Variants in VMP1 observed in about 807,000 individuals in gnomAD.
VMP1 encodes the protein vacuole membrane protein 1.
In VMP1, 11 loss-of-function variants were observed where a neutral mutation model predicts 56.0. The observed-to-expected ratio is 0.20, with a 90% CI of 0.12 to 0.32. The LOEUF is 0.32. VMP1 is among the 10% of genes least tolerant of loss of function. The probability of loss-of-function intolerance (pLI) is 1.00; values close to 1 mark genes in which losing one functional copy is unlikely to be tolerated. For synonymous variants in VMP1, 149 were observed against 165.0 expected, an observed-to-expected ratio of 0.90 and a Z score of 0.74; for missense variants, 296 against 490.3, an observed-to-expected ratio of 0.60 and a Z score of 3.74.
At chr17:59,797,740 G>A (rs1265982061) in intron 7 of VMP1, among the ~76,000 whole-genome samples, 1 of 152,170 alleles carries the variant, frequency 6.6e-6, no homozygotes, top group Non-Finnish European at 1.5e-5. Context: ...TTAGCTGGGT[G>A]TGGTGGCATG....
intron 7 of VMP1, among the ~76,000 whole-genome samples, chr17:59,784,624 C>G (rs1051234720): frequency 1.3e-5 from 2 of 152,180 alleles, no homozygotes; most frequent in African/African-American, 2.4e-5. Context: ...ACACATACTA[C>G]TCATGCAGTG....
At chr17:59,740,865 G>A (rs1459395991) in intron 5 of VMP1, among the ~76,000 whole-genome samples, 1 of 152,150 alleles carries the variant, frequency 6.6e-6, no homozygotes. Flanking sequence ...TAATTAATTT[G>A]GAAGCCTCTG....
chr17:59,772,870 T>TTGTATTTAAA (rs947956428), intron 6 of VMP1, among the ~76,000 whole-genome samples: 21 of 151,786 alleles, frequency 1.4e-4, no homozygotes, highest in African/African-American at 4.8e-4. Flanking sequence ...AGAAGAAAAG[T>TTGTATTTAAA]TGTATTTAAA....
intron 9 of VMP1, among the ~76,000 whole-genome samples, chr17:59,813,268 C>T (rs62081818): frequency 0.13 from 19,474 of 151,982 alleles, 1,495 homozygotes; most frequent in Middle Eastern, 0.22. Context: ...TATTACAGTG[C>T]TAGTTACTAT....
In VMP1 at chr17:59,728,366, A is replaced by G. The variant is rs114941782; in HGVS notation, c.-26-3055A>G. 2.2e-3 allele frequency among the ~76,000 whole-genome samples: 332 copies of G among 152,326 alleles called. 1 individual carries two copies. The highest frequency in any genetic ancestry group is 7.7e-3 in the African/African-American group (322 of 41,582). ...GTTAGTATTTGTTCAGTGAATAGGT[A>G]AACAAACCTTATACAAGCATCTTAT... On this transcript the variant is annotated intron_variant, in intron 1 of 11. Coordinates refer to ENST00000262291, the MANE Select transcript of VMP1 (RefSeq NM_030938.5).
chr17:59,790,930 T>C (rs1156450299), intron 7 of VMP1, among the ~76,000 whole-genome samples: 1 of 152,238 alleles, frequency 6.6e-6, no homozygotes, highest in Non-Finnish European at 1.5e-5. Flanking sequence ...CTAGAGAATG[T>C]AATTATTCAC....
At chr17:59,713,686 T>C (rs1246221114) in intron 1 of VMP1, among the ~76,000 whole-genome samples, 124 of 116,556 alleles carry the variant, frequency 1.1e-3, no homozygotes, top group South Asian at 1.0e-2. Context: ...CATCTCTCTT[T>C]TTTTTTTTTT....
chr17:59,837,285 G>A (rs1176222706), intron 10 of VMP1, among the ~76,000 whole-genome samples: 1 of 152,026 alleles, frequency 6.6e-6, no homozygotes, highest in Non-Finnish European at 1.5e-5. Flanking sequence ...AGTACATATC[G>A]GAATCTCTTT....
At chr17:59,787,077 GTGGTC>G (rs1598393012) in intron 7 of VMP1, among the ~76,000 whole-genome samples, 1 of 152,186 alleles carries the variant, frequency 6.6e-6, no homozygotes, top group East Asian at 1.9e-4. Flanking sequence ...GCAATTTTAA[GTGGTC>G]TTGATGGATT....
At chr17:59,759,473 G>C (rs1336961697) in intron 5 of VMP1, among the ~76,000 whole-genome samples, 1 of 152,136 alleles carries the variant, frequency 6.6e-6, no homozygotes, top group Non-Finnish European at 1.5e-5. Context: ...CTCTGTTATT[G>C]GTTGTATACA....
chr17:59,721,208 T>C (rs2034382491), intron 1 of VMP1, among the ~76,000 whole-genome samples: 1 of 151,810 alleles, frequency 6.6e-6, no homozygotes, highest in Non-Finnish European at 1.5e-5. Context: ...TAGCTGGGTG[T>C]GGTGGCACAC....
intron 5 of VMP1, among the ~76,000 whole-genome samples, chr17:59,758,390 G>A (rs534303866): frequency 1.2e-4 from 19 of 152,210 alleles, no homozygotes; most frequent in African/African-American, 3.6e-4. Context: ...AGATGTTGAC[G>A]TTTTCAACTA....
At chr17:59,789,835 CTT>C (rs754631557) in intron 7 of VMP1, among the ~76,000 whole-genome samples, 3,720 of 85,654 alleles carry the variant, frequency 0.043, 70 homozygotes, top group African/African-American at 0.17. Flanking sequence ...CTTTCTTTCC[CTT>C]TTTTTTTTTT....
chr17:59,785,725 G>GT (rs1437949789), intron 7 of VMP1, among the ~76,000 whole-genome samples: 1 of 150,570 alleles, frequency 6.6e-6, no homozygotes, highest in East Asian at 1.9e-4. Flanking sequence ...AAGAATATCA[G>GT]TTTTTTTCCT....
intron 7 of VMP1, among the ~76,000 whole-genome samples, chr17:59,808,074 G>A (rs1049412990): frequency 1.3e-5 from 2 of 152,098 alleles, no homozygotes; most frequent in African/African-American, 2.4e-5. Flanking sequence ...CTAGCCAGCC[G>A]AATGCATGTT....
At chr17:59,808,269 G>A (rs926388890) in intron 7 of VMP1, among the ~76,000 whole-genome samples, 2 of 152,134 alleles carry the variant, frequency 1.3e-5, no homozygotes, top group South Asian at 2.1e-4. Context: ...TACCAGAATC[G>A]AAGGCTCAAA....
chr17:59,713,028 T>A (rs996643411), intron 1 of VMP1, among the ~76,000 whole-genome samples: 5 of 151,456 alleles, frequency 3.3e-5, no homozygotes, highest in Non-Finnish European at 7.4e-5. Context: ...GTTAGATGAG[T>A]GGTAAGAAAA....
At chr17:59,723,421 A>C (rs1236114828) in intron 1 of VMP1, among the ~76,000 whole-genome samples, 2 of 152,208 alleles carry the variant, frequency 1.3e-5, no homozygotes, top group Non-Finnish European at 2.9e-5. Flanking sequence ...GGAAAAATGA[A>C]AGTATTTCAA....
At chr17:59,783,805 C>T (rs916180685) in intron 7 of VMP1, among the ~76,000 whole-genome samples, 1 of 152,096 alleles carries the variant, frequency 6.6e-6, no homozygotes, top group African/African-American at 2.4e-5. Flanking sequence ...TAAATATTGC[C>T]AGCAGCTTGC....
Sources: gnomAD v4.1 joint callset for allele counts (sites outside exome capture counted in the v4.1 genomes callset) on GRCh38, gnomAD v4.1.1 for gene constraint, MANE v1.5 for transcripts, NCBI Gene and HGNC (gene_info 2026-07-23, HGNC 2026-07-21) for gene names.